NAALADL2: variants seen among roughly 807,000 people sequenced by gnomAD.
NAALADL2 encodes inactive N-acetylated-alpha-linked acidic dipeptidase-like protein 2.
Under a neutral mutation model 87.2 loss-of-function variants are expected in NAALADL2, and 76 were observed. The ratio of observed to expected loss-of-function variants is 0.87; its 90% CI spans 0.72 to 1.05. The LOEUF is 1.05. NAALADL2 is among the 50% of genes least tolerant of loss of function. NAALADL2 has a pLI of 0.00. For synonymous variants in NAALADL2, 354 were observed against 331.0 expected (o/e 1.07, Z -0.75); for missense variants, 1,089 against 945.8 (o/e 1.15, Z -1.99).
rs551454360 is a variant in NAALADL2 at position 175,681,557 on chromosome 3, A to G, written c.1896+54171A>G. Among the ~76,000 whole-genome samples, 18 of 152,362 alleles carry G rather than the reference A, an allele frequency of 1.2e-4. No homozygotes were observed. In the South Asian group the frequency reaches 2.9e-3, roughly 25 times the overall value. Reference sequence around the variant, plus strand: ...AAAGCCTTAAAAATCATACGCATGTATTAATATCCTTTCTTAGATGAATCT... The same window carrying G: ...AAAGCCTTAAAAATCATACGCATGTGTTAATATCCTTTCTTAGATGAATCT... On this transcript the variant is annotated intron_variant, in intron 11 of 13. Transcript: ENST00000454872.
chr3:175,451,295 T>G (rs1721533212), intron 6 of NAALADL2, among the ~76,000 whole-genome samples: 1 of 151,878 alleles, frequency 6.6e-6, no homozygotes, highest in Non-Finnish European at 1.5e-5. Flanking sequence ...CAAATTGAAG[T>G]GGACAGCTGG....
rs540096266 is a variant in NAALADL2 at position 175,808,165 on chromosome 3, A to G, written c.*4962A>G. ...CTGAAGTGCCTTTAGCAGACCTGGG[A>G]CCGTCAAGAATCTTGTTACCCTGAT... On this transcript the variant is annotated 3_prime_UTR_variant, in exon 14 of 14. Coordinates refer to ENST00000454872, the MANE Select transcript of NAALADL2 (RefSeq NM_207015.3). 7 of 152,034 alleles carry G rather than the reference A, an allele frequency of 4.6e-5. No individual in the cohort carries two copies. The East Asian group carries it at 1.2e-3, about 25-fold the overall frequency. 9.4% of individuals were successfully genotyped at this position (152,034 alleles called of 1,614,324 possible). A position where few individuals can be genotyped will look rare whatever the true frequency, so the allele number is the denominator to read the frequency against.
rs535484430 is a variant in NAALADL2, at chr3:174,639,866, A to G, written c.-115+89229A>G. 2.2e-4 allele frequency among the ~76,000 whole-genome samples: 33 copies of G among 152,362 alleles called. No homozygotes were observed. The South Asian group carries it at 6.4e-3, about 30-fold the overall frequency. On this transcript the variant is annotated intron_variant, in intron 2 of 3. Coordinates refer to the NAALADL2 transcript ENST00000434257. ...GATATAAATATTATAATAATTTGATACCAACTACCACCTATATTAAATACT... is the reference window on the plus strand; with the variant it reads ...GATATAAATATTATAATAATTTGATGCCAACTACCACCTATATTAAATACT...
Position 175,471,817 on chromosome 3 carries a change from T to C in NAALADL2, c.1653+59T>C. On this transcript the variant is annotated intron_variant, in intron 9 of 13. Coordinates refer to ENST00000454872, the MANE Select transcript of NAALADL2 (RefSeq NM_207015.3). Reference sequence around the variant, plus strand: ...GCAAAACCGACCTTTTCTCTATATTTTGACATTTCTTGATTTTTTCATTTA... The same window carrying C: ...GCAAAACCGACCTTTTCTCTATATTCTGACATTTCTTGATTTTTTCATTTA... The C allele has an allele frequency of 5.8e-6, 8 of 1,378,760 alleles. No homozygotes were observed. The South Asian group carries it at 8.1e-5, about 14-fold the overall frequency. 85.4% of individuals were successfully genotyped at this position (1,378,760 alleles called of 1,614,324 possible).
chr3:174,993,955 T>A (rs1489652298), intron 1 of NAALADL2, among the ~76,000 whole-genome samples: 1 of 152,170 alleles, frequency 6.6e-6, no homozygotes. Context: ...GCATTCTCCC[T>A]GTGTGTCTAT....
At chr3:174,521,634 A>G (rs897876001) in intron 1 of NAALADL2, among the ~76,000 whole-genome samples, 1 of 151,694 alleles carries the variant, frequency 6.6e-6, no homozygotes, top group Non-Finnish European at 1.5e-5. Context: ...AGAAACACAT[A>G]TAGAACTGGA....
chr3:175,277,560 A>C (rs1198969272), intron 4 of NAALADL2, among the ~76,000 whole-genome samples: 2 of 152,188 alleles, frequency 1.3e-5, no homozygotes, highest in Non-Finnish European at 2.9e-5. Flanking sequence ...TTTATTTTCC[A>C]GTATAACCTT....
At chr3:174,927,029 GAAA>G (rs552773959) in intron 1 of NAALADL2, among the ~76,000 whole-genome samples, 10 of 99,158 alleles carry the variant, frequency 1.0e-4, no homozygotes, top group South Asian at 3.6e-4. Flanking sequence ...AGCAAATGAA[GAAA>G]AAAAAAAAAA....
chr3:175,639,279 A>G (rs1195838750), intron 11 of NAALADL2, among the ~76,000 whole-genome samples: 1 of 148,264 alleles, frequency 6.7e-6, no homozygotes, highest in Non-Finnish European at 1.5e-5. Flanking sequence ...CTACTGAACT[A>G]GCTTCTGCCC....
At chr3:175,294,107 A>T (rs1182733723) in intron 4 of NAALADL2, among the ~76,000 whole-genome samples, 2 of 152,146 alleles carry the variant, frequency 1.3e-5, no homozygotes, top group Non-Finnish European at 2.9e-5. Context: ...CTAACCAGGG[A>T]ATTTGACGAG....
chr3:175,348,527 C>A (rs1763396998), intron 5 of NAALADL2, among the ~76,000 whole-genome samples: 1 of 152,058 alleles, frequency 6.6e-6, no homozygotes, highest in Admixed American at 6.6e-5. Context: ...GTTGGCAGGG[C>A]CATGTTCCCC....
At chr3:175,298,388 G>A (rs1277181648) in intron 4 of NAALADL2, among the ~76,000 whole-genome samples, 1 of 152,026 alleles carries the variant, frequency 6.6e-6, no homozygotes, top group African/African-American at 2.4e-5. Context: ...TGACTTCTTG[G>A]AGAATGAAGA....
Position 175,622,657 on chromosome 3 carries a change from A to C in NAALADL2, c.1801-4634A>C, listed in dbSNP as rs185750659. 5.5e-4 allele frequency among the ~76,000 whole-genome samples: 84 copies of C among 152,270 alleles called. 1 individual carries two copies. The South Asian group carries it at 0.017, about 31-fold the overall frequency. ...CTTCTGAATTTCAGTCTTCTCATCC[A>C]TAAAGTGAAGGTGATTGACAACAGT... On this transcript the variant is annotated intron_variant, in intron 10 of 13. Coordinates refer to ENST00000454872, the MANE Select transcript of NAALADL2 (RefSeq NM_207015.3).
chr3:174,683,143 A>G (rs770966246), intron 2 of NAALADL2, among the ~76,000 whole-genome samples: 10 of 152,244 alleles, frequency 6.6e-5, no homozygotes, highest in Non-Finnish European at 1.2e-4. Context: ...TGCATGCAGC[A>G]TAATTGATCC....
In NAALADL2 at chr3:175,781,337, G is replaced by A. The variant is rs368567154; in HGVS notation, c.2190-21668G>A. On this transcript the variant is annotated intron_variant, in intron 13 of 13. Coordinates refer to ENST00000454872, the MANE Select transcript of NAALADL2 (RefSeq NM_207015.3). ...AATATGGGCCACATATACTATAGTGGTCTCATAAGATTATAATGGGGCTGA... is the reference window on the plus strand; with the variant it reads ...AATATGGGCCACATATACTATAGTGATCTCATAAGATTATAATGGGGCTGA... Among the ~76,000 whole-genome samples the A allele has an allele frequency of 3.1e-4, 47 of 152,196 alleles. No homozygotes were observed. The East Asian group carries it at 3.9e-3, about 13-fold the overall frequency.
chr3:174,982,347 A>C (rs1011413716), intron 1 of NAALADL2, among the ~76,000 whole-genome samples: 5 of 151,934 alleles, frequency 3.3e-5, no homozygotes, highest in African/African-American at 4.9e-5. Context: ...AATTTTTAGC[A>C]GTATAACTTA....
rs956941562 is a variant in NAALADL2 at position 174,667,475 on chromosome 3, G to A, written c.-114-70166G>A. Among the ~76,000 whole-genome samples the A allele has an allele frequency of 2.0e-5, 3 of 151,656 alleles. No individual in the cohort carries two copies. The East Asian group carries it at 5.8e-4, about 30-fold the overall frequency. On this transcript the variant is annotated intron_variant, in intron 2 of 3. Transcript: ENST00000434257. ...TCTAGCTTTTTGCCTTATCTACCACGCAGTTGAGTTGGCATTTTCATGGGC... is the reference window on the plus strand; with the variant it reads ...TCTAGCTTTTTGCCTTATCTACCACACAGTTGAGTTGGCATTTTCATGGGC...
intron 3 of NAALADL2, among the ~76,000 whole-genome samples, chr3:175,243,841 A>G (rs1428535573): frequency 6.6e-6 from 1 of 152,158 alleles, no homozygotes; most frequent in Non-Finnish European, 1.5e-5. Flanking sequence ...AGATAAAGTT[A>G]CCTTCTCCAC....
intron 4 of NAALADL2, among the ~76,000 whole-genome samples, chr3:175,284,826 CT>C (rs1754784908): frequency 6.6e-6 from 1 of 152,066 alleles, no homozygotes; most frequent in East Asian, 1.9e-4. Context: ...GGTCTCTGGT[CT>C]TAGATGATTG....
Sources: gnomAD v4.1 joint callset for allele counts (sites outside exome capture counted in the v4.1 genomes callset) on GRCh38, gnomAD v4.1.1 for gene constraint, MANE v1.5 for transcripts, NCBI Gene and HGNC (gene_info 2026-07-23, HGNC 2026-07-21) for gene names.